The following CERT1 variants were observed in gnomAD, a reference collection of about 807,000 sequenced individuals.
CERT1 encodes ceramide transporter 1.
In CERT1, 31 loss-of-function variants were observed where a neutral mutation model predicts 87.9. That is an observed-to-expected ratio of 0.35 (90% CI 0.27 to 0.48). The LOEUF is 0.48. Among genes scored for constraint, CERT1 ranks in the 20% least tolerant of loss-of-function variants. CERT1 has a pLI of 0.99. For missense variants in CERT1, 487 were observed against 758.0 expected, an observed-to-expected ratio of 0.64 and a Z score of 4.20; for synonymous variants, 289 against 250.9, an observed-to-expected ratio of 1.15 and a Z score of -1.44.
intron 3 of CERT1, among the ~76,000 whole-genome samples, chr5:75,436,755 A>T (rs1163582067): frequency 6.6e-6 from 1 of 151,990 alleles, no homozygotes; most frequent in African/African-American, 2.4e-5. Flanking sequence ...AATATTCAAA[A>T]CTCAACAGTT....
Position 75,511,329 on chromosome 5 carries a change from G to C in CERT1, c.-122C>G. Reference sequence around the variant, plus strand: ...AGCGAAGAGTGCCCGCTCCGGTGTGGGGGGGAGCAGGAGGAGGGACGAAGT... The same window carrying C: ...AGCGAAGAGTGCCCGCTCCGGTGTGCGGGGGAGCAGGAGGAGGGACGAAGT... On this transcript the variant is annotated 5_prime_UTR_variant, in exon 1 of 17. Coordinates refer to ENST00000643780, the MANE Select transcript of CERT1 (RefSeq NM_001379029.1). 6.5e-7 allele frequency: 1 copy of C among 1,546,932 alleles called. No individual in the cohort carries two copies. The highest frequency in any genetic ancestry group is 8.7e-7 in the Non-Finnish European group (1 of 1,146,264).
rs147908443 is a variant in CERT1, at chr5:75,441,591, T to TA, written c.349-15114dup. Among the ~76,000 whole-genome samples the TA allele has an allele frequency of 2.1e-3, 315 of 152,244 alleles. 1 individual carries two copies. The East Asian group carries it at 0.027, about 13-fold the overall frequency. On this transcript the variant is annotated intron_variant, in intron 3 of 16. Transcript: ENST00000643780. ...GCAACATCCCATTTTTCCCTCCCCC[T>TA]ATCCCTGGCAATCACCATTCTACTT...
upstream of CERT1, chr5:75,511,828 A>G (rs1464384976): frequency 1.3e-6 from 2 of 1,550,966 alleles, no homozygotes; most frequent in Non-Finnish European, 1.7e-6. Flanking sequence ...CGGGGTAGGG[A>G]TGCAGCTGTG....
Position 75,402,977 on chromosome 5 carries a change from C to G in CERT1, c.1012G>C (p.Glu338Gln). 6.3e-7 allele frequency: 1 copy of G among 1,598,944 alleles called. No individual in the cohort carries two copies. ...AALDRQDKIEEQSQSEKVRLH... is the reference protein window; with the variant it reads ...AALDRQDKIEQQSQSEKVRLH... ...ATTTTCAATAATAGATATACCTGTT[C>G]TTCTATTTTATCTTGTCTGTCAAGA... The change falls in exon 9 of 17, where the codon GAA becomes CAA. Residue 338 changes from glutamate (E) to glutamine (Q), a missense_variant. Physicochemically the swap from Glu to Gln is conservative, Grantham distance 29. Around this residue, in one of 8 missense-constraint regions of CERT1, gnomAD observed 91 missense variants for 86.7 expected, o/e 1.05. Transcript: ENST00000643780.
chr5:75,392,969 CAAAAAAAAAAAAAAA>C (rs1198217217), intron 11 of CERT1, among the ~76,000 whole-genome samples: 1 of 8,690 alleles, frequency 1.2e-4, no homozygotes, highest in Non-Finnish European at 1.9e-4. Flanking sequence ...GACTCCGTCT[CAAAAAAAAAAAAAAA>C]AAAAAAAAAA....
In CERT1 at chr5:75,395,579, A is replaced by G. The variant is rs553148672; in HGVS notation, c.1188+3731T>C. Among the ~76,000 whole-genome samples, 65 of 150,410 alleles carry G rather than the reference A, an allele frequency of 4.3e-4. 1 individual carries two copies. The highest frequency in any genetic ancestry group is 1.4e-3 in the African/African-American group (59 of 40,966). ...ACAAAAAAAAAAAAAAAAAAAAAAA[A>G]TGCTGGGCATGGTGTCTCAGGCCTG... On this transcript the variant is annotated intron_variant, in intron 11 of 16. Transcript: ENST00000643780.
At chr5:75,459,273 GTGC>G (rs1445780242) in intron 2 of CERT1, 92 bp from the exon 3 acceptor site, 5 of 699,804 alleles carry the variant, frequency 7.1e-6, no homozygotes, top group Non-Finnish European at 1.3e-5. Flanking sequence ...TACTCATTCT[GTGC>G]TGGTGGGAGA....
chr5:75,466,362 C>G (rs1450727909), intron 2 of CERT1, among the ~76,000 whole-genome samples: 1 of 152,178 alleles, frequency 6.6e-6, no homozygotes, highest in South Asian at 2.1e-4. Context: ...ATCTAGATAC[C>G]TCAGAGATGC....
At chr5:75,411,590 G>A (rs757706269) in intron 7 of CERT1, among the ~76,000 whole-genome samples, 42 of 152,232 alleles carry the variant, frequency 2.8e-4, no homozygotes, top group Non-Finnish European at 5.3e-4. Flanking sequence ...GGGATTACAG[G>A]TGTGAGCCAC....
chr5:75,371,882 T>C (rs1269725386), intron 17 of CERT1: 2 of 152,208 alleles, frequency 1.3e-5, no homozygotes, highest in East Asian at 1.9e-4. Flanking sequence ...GTCTAAATGT[T>C]GTCCAGAAGG....
chr5:75,493,349 A>C (rs1008276197), intron 2 of CERT1, among the ~76,000 whole-genome samples: 1 of 152,236 alleles, frequency 6.6e-6, no homozygotes, highest in Non-Finnish European at 1.5e-5. Flanking sequence ...TGCATCTCTA[A>C]AATATTTTTT....
intron 13 of CERT1, 70 bp from the exon 14 acceptor site, chr5:75,384,782 A>C: frequency 9.8e-7 from 1 of 1,025,512 alleles, no homozygotes; most frequent in Non-Finnish European, 1.5e-6. Flanking sequence ...CTTATGTTGA[A>C]AGTCAAGTAC....
intron 2 of CERT1, among the ~76,000 whole-genome samples, chr5:75,476,560 A>T (rs1389328293): frequency 6.6e-6 from 1 of 152,126 alleles, no homozygotes; most frequent in African/African-American, 2.4e-5. Flanking sequence ...GACTCAAGTG[A>T]ATCCCTTCCT....
chr5:75,399,226 A>T, intron 11 of CERT1, 84 bp downstream of exon 11: 1 of 1,044,096 alleles, frequency 9.6e-7, no homozygotes, highest in Admixed American at 1.8e-5. Context: ...CAGTGGCCTA[A>T]CCAAAAGATT....
chr5:75,405,807 AG>A (rs1762681286), intron 8 of CERT1, among the ~76,000 whole-genome samples: 1 of 151,184 alleles, frequency 6.6e-6, no homozygotes, highest in Non-Finnish European at 1.5e-5. Context: ...ACATACATAT[AG>A]GAAAAAACAT....
intron 3 of CERT1, among the ~76,000 whole-genome samples, chr5:75,428,088 C>T (rs1031363325): frequency 6.6e-6 from 1 of 151,998 alleles, no homozygotes; most frequent in African/African-American, 2.4e-5. Flanking sequence ...TTCTATATAG[C>T]TATTGGTTTA....
intron 9 of CERT1, 131 bp from the exon 10 acceptor site, chr5:75,400,428 T>C (rs1223850915): frequency 1.2e-5 from 7 of 595,346 alleles, no homozygotes; most frequent in Admixed American, 6.2e-5. Flanking sequence ...ATTAGAATTA[T>C]GAAACTACTC....
chr5:75,419,476 G>T, intron 5 of CERT1, 52 bp from the exon 6 acceptor site: 6 of 1,208,580 alleles, frequency 5.0e-6, no homozygotes, highest in Non-Finnish European at 7.2e-6. Context: ...AGAAATTAAT[G>T]TCTATTCTTA....
At chr5:75,391,372 C>G (rs1374261771) in intron 11 of CERT1, among the ~76,000 whole-genome samples, 6 of 152,184 alleles carry the variant, frequency 3.9e-5, no homozygotes, top group Non-Finnish European at 8.8e-5. Context: ...GTCTCCTGAT[C>G]TGTCAATCAT....
Sources: gnomAD v4.1 joint callset for allele counts (sites outside exome capture counted in the v4.1 genomes callset) on GRCh38, gnomAD v4.1.1 for gene constraint, gnomAD v4.1.1 regional missense constraint, MANE v1.5 for transcripts, NCBI Gene and HGNC (gene_info 2026-07-23, HGNC 2026-07-21) for gene names.